The following DGKH variants were observed in gnomAD, a reference collection of about 807,000 sequenced individuals.
DGKH encodes the protein diacylglycerol kinase eta, also known as DAG kinase eta.
Under a neutral mutation model 159.3 loss-of-function variants are expected in DGKH, and 90 were observed. The observed-to-expected ratio is 0.57, with a 90% CI of 0.48 to 0.67. The LOEUF (loss-of-function observed/expected upper bound fraction) is 0.67, where lower values mean the gene tolerates loss of function less well. Ranked by LOEUF, DGKH falls within the 30% of genes least tolerant of loss-of-function variation. The pLI is 0.00. For missense variants in DGKH, 1,181 were observed against 1,506.1 expected, an observed-to-expected ratio of 0.78 and a Z score of 3.57; for synonymous variants, 536 against 553.8, an observed-to-expected ratio of 0.97 and a Z score of 0.45.
chr13:42,184,533 A>G (rs1956858503), intron 13 of DGKH, among the ~76,000 whole-genome samples: 1 of 152,198 alleles, frequency 6.6e-6, no homozygotes, highest in South Asian at 2.1e-4. Context: ...AAGGAAGAGA[A>G]CAAAATTAAG....
At chr13:42,144,085 C>T (rs1245787526) in intron 3 of DGKH, among the ~76,000 whole-genome samples, 1 of 152,146 alleles carries the variant, frequency 6.6e-6, no homozygotes. Flanking sequence ...CTCATTGAAA[C>T]AGCAGAGCTC....
At chr13:42,159,977 C>T (rs772276834) in intron 6 of DGKH, 34 bp from the exon 7 acceptor site, 16 of 1,614,028 alleles carry the variant, frequency 9.9e-6, no homozygotes, top group African/African-American at 2.7e-5. Context: ...GTCCGCCAGT[C>T]TTCACCTGGC....
intron 29 of DGKH, among the ~76,000 whole-genome samples, chr13:42,222,328 G>C (rs1040272102): frequency 6.6e-6 from 1 of 152,086 alleles, no homozygotes; most frequent in Admixed American, 6.5e-5. Flanking sequence ...ATGAACTGTT[G>C]TTGCACCTTT....
chr13:42,048,997 G>A lies in DGKH; in HGVS notation c.192+32G>A. On this transcript the variant is annotated intron_variant, in intron 1 of 29. Transcript: ENST00000337343. This position sits in a 1 kb window ranked among gnomAD's most constrained non-coding sequence, Gnocchi z 6.7. ...CGGAGGAGGCGGGCCTGAGGGCCGC[G>A]TGGAAAGCGGGAGGTGGAGAGGGCG... 7.9e-7 allele frequency: 1 copy of A among 1,260,688 alleles called. No homozygotes were observed. Among genetic ancestry groups the A allele is most frequent in the Admixed American group, 4.0e-5 (1 of 24,966 alleles). The allele number at this position is 1,260,688 out of a possible 1,614,324, so 78.1% of individuals were successfully genotyped here. A position where few individuals can be genotyped will look rare whatever the true frequency, so the allele number is the denominator to read the frequency against.
chr13:42,109,452 AC>A (rs1954818641), intron 1 of DGKH, among the ~76,000 whole-genome samples: 1 of 152,210 alleles, frequency 6.6e-6, no homozygotes, highest in South Asian at 2.1e-4. Flanking sequence ...TTACACCACA[AC>A]GCAAAGGTGG....
chr13:42,146,150 CTTTTTTT>C (rs57139526), intron 3 of DGKH, among the ~76,000 whole-genome samples: 14 of 110,278 alleles, frequency 1.3e-4, no homozygotes, highest in East Asian at 2.8e-4. Context: ...TCTGGGGAGG[CTTTTTTT>C]TTTTTTTTTT....
chr13:42,040,144 T>C (rs981786894), intron 1 of DGKH: 3 of 152,246 alleles, frequency 2.0e-5, no homozygotes, highest in Admixed American at 6.5e-5. Flanking sequence ...TCCAGTGGGA[T>C]TTCGCTCAAG....
chr13:42,079,168 G>A (rs146364078), intron 1 of DGKH, among the ~76,000 whole-genome samples: 2,300 of 151,786 alleles, frequency 0.015, 62 homozygotes, highest in African/African-American at 0.051. Flanking sequence ...CACCTGCCTC[G>A]GTCTCCCAAA....
At chr13:42,105,022 T>C (rs74635061) in intron 1 of DGKH, among the ~76,000 whole-genome samples, 7 of 14,486 alleles carry the variant, frequency 4.8e-4, no homozygotes, top group Admixed American at 1.2e-3. Context: ...TACATACATA[T>C]GTATGTATGT....
upstream of DGKH, among the ~76,000 whole-genome samples, chr13:42,048,108 T>A (rs1362379554): frequency 1.2e-5 from 1 of 81,694 alleles, no homozygotes; most frequent in Non-Finnish European, 2.3e-5. The surrounding 1 kb of genome is among the most constrained non-coding windows in gnomAD (Gnocchi z 6.7). Flanking sequence ...AGAGGTACGG[T>A]CCTCGGAGTG....
rs80071992 is a variant in DGKH at position 42,090,797 on chromosome 13, A to G, written c.193-36666A>G. 2.3e-3 allele frequency among the ~76,000 whole-genome samples: 349 copies of G among 152,276 alleles called. 9 individuals carry two copies. The East Asian group carries it at 0.064, about 28-fold the overall frequency. ...TGCCAGTGTGAAGGTATTAAGAGGT[A>G]GGGCTTTAAAGAGGTGATTGAGCCA... On this transcript the variant is annotated intron_variant, in intron 1 of 29. Transcript: ENST00000337343.
chr13:42,211,860 A>T (rs1247296733), intron 24 of DGKH, among the ~76,000 whole-genome samples: 2 of 152,194 alleles, frequency 1.3e-5, no homozygotes, highest in African/African-American at 2.4e-5. Context: ...AAGCCATCAC[A>T]TCTTGTGAGA....
intron 20 of DGKH, among the ~76,000 whole-genome samples, chr13:42,202,773 C>T (rs1957377251): frequency 2.6e-5 from 4 of 152,134 alleles, no homozygotes; most frequent in Admixed American, 2.6e-4. Flanking sequence ...TATTTTGCTA[C>T]TTTTAGAGTA....
At chr13:42,151,115 C>T (rs931069543) in intron 3 of DGKH, among the ~76,000 whole-genome samples, 2 of 152,016 alleles carry the variant, frequency 1.3e-5, no homozygotes, top group Non-Finnish European at 2.9e-5. Context: ...CTCCCAACAT[C>T]TTTATTTTAT....
At chr13:42,183,771 G>A (rs1252746270) in intron 13 of DGKH, among the ~76,000 whole-genome samples, 1 of 152,168 alleles carries the variant, frequency 6.6e-6, no homozygotes, top group African/African-American at 2.4e-5. Context: ...AGCAATCATA[G>A]ATACCATTTA....
chr13:42,207,057 CCTTCCTT>C (rs1471233410), intron 21 of DGKH, among the ~76,000 whole-genome samples: 6 of 51,220 alleles, frequency 1.2e-4, no homozygotes, highest in African/African-American at 3.6e-4. Context: ...TTCCTTCTTT[CCTTCCTT>C]CTTTCTTTCT....
chr13:42,066,088 C>G (rs1030683932), intron 1 of DGKH: 18 of 152,140 alleles, frequency 1.2e-4, no homozygotes, highest in African/African-American at 4.1e-4. Context: ...TTATTGGAGA[C>G]AGGGTTTCAT....
chr13:42,188,952 C>A, intron 14 of DGKH, 84 bp from the exon 15 acceptor site: 1 of 1,465,688 alleles, frequency 6.8e-7, no homozygotes, highest in Non-Finnish European at 9.2e-7. Flanking sequence ...ACTTTCAAAA[C>A]ATCTCTATAA....
intron 29 of DGKH, among the ~76,000 whole-genome samples, chr13:42,228,868 T>C (rs1958216461): frequency 6.6e-6 from 1 of 152,194 alleles, no homozygotes; most frequent in South Asian, 2.1e-4. Context: ...TGGTGTCAGG[T>C]TATTTTTGTT....
Sources: gnomAD v4.1 joint callset for allele counts (sites outside exome capture counted in the v4.1 genomes callset) on GRCh38, gnomAD v4.1.1 for gene constraint, Gnocchi (gnomAD v3.1) non-coding constraint, MANE v1.5 for transcripts, NCBI Gene and HGNC (gene_info 2026-07-23, HGNC 2026-07-21) for gene names.